The following GMCL1 variants were observed in gnomAD, a reference collection of about 807,000 sequenced individuals.
The protein encoded by GMCL1 is germ cell-less protein-like 1.
A neutral mutation model predicts 75.5 loss-of-function variants in GMCL1; 54 were observed. That is an observed-to-expected ratio of 0.71 (90% confidence interval 0.57 to 0.90). GMCL1 has a LOEUF of 0.90. Among genes scored for constraint, GMCL1 ranks in the 40% least tolerant of loss-of-function variants. GMCL1 has a pLI of 0.00. For synonymous variants in GMCL1, 210 were observed against 209.6 expected, an observed-to-expected ratio of 1.00 and a Z score of -0.02; for missense variants, 537 against 622.7, an observed-to-expected ratio of 0.86 and a Z score of 1.47.
At chr2:69,873,727 G>C (rs535484490) in intron 13 of GMCL1, 1 of 168,224 alleles carries the variant, frequency 5.9e-6, no homozygotes, top group Non-Finnish European at 1.5e-5. Flanking sequence ...TTTTGACCTC[G>C]ACATCCACAA....
Position 69,830,085 on chromosome 2 carries a change from G to A in GMCL1, c.193G>A (p.Asp65Asn), listed in dbSNP as rs764139078. 2.5e-6 allele frequency: 4 copies of A among 1,577,364 alleles called. No homozygotes were observed. In the South Asian group the frequency reaches 4.6e-5, roughly 18 times the overall value. Residue 65 changes from aspartate to asparagine, a missense_variant, in exon 1 of 14, where the codon GAC (aspartate) becomes AAC (asparagine). Asp to Asn is a conservative substitution (Grantham distance 23). Around this residue, in one of 3 missense-constraint regions of GMCL1, gnomAD observed 144 missense variants for 127.2 expected, o/e 1.13. Coordinates refer to ENST00000282570, the MANE Select transcript of GMCL1 (RefSeq NM_178439.5). Reference protein sequence around the residue: ...SSGSFCYCHPDSETDEDEEEG... With the variant: ...SSGSFCYCHPNSETDEDEEEG... The stretch of plus-strand genomic sequence containing the variant: ...CGGGTCCTTCTGCTACTGTCACCCT[G>A]ACTCGGAGACGGACGAGGATGAGGA...
At chr2:69,832,426 CCTT>C (rs1167562562) in intron 1 of GMCL1, among the ~76,000 whole-genome samples, 2 of 152,128 alleles carry the variant, frequency 1.3e-5, no homozygotes, top group Non-Finnish European at 2.9e-5. Context: ...AAATGTTCAT[CCTT>C]CTTTATCCCT....
In GMCL1 at chr2:69,834,389, T is replaced by C. The variant is rs191894144; in HGVS notation, c.261-3158T>C. Reference sequence around the variant, plus strand: ...TAGCCTGCATTTCTTTCTCGCTTATTTTAGGAACTATTTAATACATCCTCA... The same window carrying C: ...TAGCCTGCATTTCTTTCTCGCTTATCTTAGGAACTATTTAATACATCCTCA... On this transcript the variant is annotated intron_variant, in intron 1 of 13. Coordinates refer to ENST00000282570, the MANE Select transcript of GMCL1 (RefSeq NM_178439.5). Among the ~76,000 whole-genome samples, 68 of 152,346 alleles carry C rather than the reference T, an allele frequency of 4.5e-4. No individual in the cohort carries two copies. The East Asian group carries it at 0.013, about 28-fold the overall frequency.
chr2:69,871,699 G>C, intron 12 of GMCL1, 46 bp from the exon 13 acceptor site: 1 of 988,246 alleles, frequency 1.0e-6, no homozygotes, highest in Non-Finnish European at 1.5e-6. Flanking sequence ...TTTAATCTGT[G>C]GTTTAAAAAT....
chr2:69,849,803 A>G (rs999850375), intron 8 of GMCL1, 61 bp downstream of exon 8: 1 of 942,376 alleles, frequency 1.1e-6, no homozygotes, highest in Non-Finnish European at 1.6e-6. Flanking sequence ...ATCAGGCCCC[A>G]TGAGAACAGA....
chr2:69,844,347 GA>G lies in GMCL1; in HGVS notation c.758+154del, dbSNP rs1675072871. 2.2e-5 allele frequency: 11 copies of G among 510,418 alleles called. No homozygotes were observed. In the East Asian group the frequency reaches 3.7e-4, roughly 17 times the overall value. 31.6% of individuals were successfully genotyped at this position (510,418 alleles called of 1,614,324 possible). ...GGCTTGACTACATCCATAAACTGAA[GA>G]AATGCTGTGCAAACTTATTTCTTTG... On this transcript the variant is annotated intron_variant, in intron 6 of 13. Transcript: ENST00000282570.
At chr2:69,844,297 G>A (rs1675071392) in intron 6 of GMCL1, 101 bp downstream of exon 6, 3 of 638,626 alleles carry the variant, frequency 4.7e-6, no homozygotes, top group Non-Finnish European at 8.1e-6. Context: ...AATATATTAT[G>A]AAAAAGCAAA....
At chr2:69,855,087 C>T in intron 9 of GMCL1, 127 bp downstream of exon 9, 3 of 685,546 alleles carry the variant, frequency 4.4e-6, no homozygotes, top group Non-Finnish European at 7.0e-6. Context: ...ATCTTTATGC[C>T]AAAGTGGAAT....
intron 3 of GMCL1, chr2:69,840,090 T>C: frequency 6.6e-6 from 1 of 152,488 alleles, no homozygotes; most frequent in East Asian, 1.9e-4. Context: ...GTGGTCCACA[T>C]GGAAGTACCT....
chr2:69,831,721 C>G (rs1674678064), intron 1 of GMCL1, among the ~76,000 whole-genome samples: 1 of 152,202 alleles, frequency 6.6e-6, no homozygotes. Flanking sequence ...ATTCTCCCAC[C>G]TCAGCCTTCT....
chr2:69,855,159 A>G (rs10209539), intron 9 of GMCL1, among the ~76,000 whole-genome samples, 199 bp downstream of exon 9: 10,382 of 152,178 alleles, frequency 0.068, 938 homozygotes, highest in Admixed American at 0.22. Context: ...ATCATATTTC[A>G]TGAAATACTC....
rs1390716211 is a variant in GMCL1 at position 69,829,801 on chromosome 2, A to G, written c.-92A>G. The G allele has an allele frequency of 3.3e-5, 46 of 1,376,760 alleles. No individual in the cohort carries two copies. The highest frequency in any genetic ancestry group is 4.4e-5 in the Non-Finnish European group (46 of 1,041,942). The allele number at this position is 1,376,760 out of a possible 1,614,324, so 85.3% of individuals were successfully genotyped here. Reference sequence around the variant, plus strand: ...CGCGTGAGAAGGTGGCGGTGTAGGCACCTGCGCTCGGGGAAGGCTGGCGGC... The same window carrying G: ...CGCGTGAGAAGGTGGCGGTGTAGGCGCCTGCGCTCGGGGAAGGCTGGCGGC... On this transcript the variant is annotated 5_prime_UTR_variant, in exon 1 of 14. Coordinates refer to ENST00000282570, the MANE Select transcript of GMCL1 (RefSeq NM_178439.5).
intron 13 of GMCL1, among the ~76,000 whole-genome samples, chr2:69,872,411 A>C (rs1676007099): frequency 6.6e-6 from 1 of 152,216 alleles, no homozygotes; most frequent in Non-Finnish European, 1.5e-5. Flanking sequence ...AAAGCTGTTA[A>C]AATATTGAGG....
chr2:69,830,295 C>T (rs1022679254), intron 1 of GMCL1, 143 bp downstream of exon 1: 4 of 1,133,718 alleles, frequency 3.5e-6, no homozygotes, highest in African/African-American at 3.2e-5. Flanking sequence ...AATGTGGAAG[C>T]CGGCCCGATG....
chr2:69,854,512 G>A (rs1040866812), intron 8 of GMCL1, among the ~76,000 whole-genome samples: 5 of 152,154 alleles, frequency 3.3e-5, no homozygotes, highest in East Asian at 1.9e-4. Flanking sequence ...TGGCGAGAAT[G>A]TGTAATCCTA....
chr2:69,839,260 T>C (rs1674911794), intron 2 of GMCL1, among the ~76,000 whole-genome samples, 197 bp from the exon 3 acceptor site: 1 of 152,232 alleles, frequency 6.6e-6, no homozygotes, highest in Non-Finnish European at 1.5e-5. Flanking sequence ...CAAAAGTATA[T>C]TTTGATACAC....
At chr2:69,870,393 G>C (rs1675951066) in intron 12 of GMCL1, among the ~76,000 whole-genome samples, 1 of 151,988 alleles carries the variant, frequency 6.6e-6, no homozygotes, top group Non-Finnish European at 1.5e-5. Flanking sequence ...CATAAGAACT[G>C]CAACTATGAA....
Position 69,829,763 on chromosome 2 carries a change from A to G in GMCL1, c.-130A>G, listed in dbSNP as rs1674613895. Reference sequence around the variant, plus strand: ...GATGGAGACTGTGGCGTCCGCTGCAACGGTTGGGGCTGCGCGTGAGAAGGT... The same window carrying G: ...GATGGAGACTGTGGCGTCCGCTGCAGCGGTTGGGGCTGCGCGTGAGAAGGT... On this transcript the variant is annotated 5_prime_UTR_variant, in exon 1 of 14. Transcript: ENST00000282570. 2.8e-6 allele frequency: 3 copies of G among 1,065,340 alleles called. No homozygotes were observed. The highest frequency in any genetic ancestry group is 3.9e-6 in the Non-Finnish European group (3 of 766,030). The allele number at this position is 1,065,340 out of a possible 1,614,324, so 66.0% of individuals were successfully genotyped here. A position where few individuals can be genotyped will look rare whatever the true frequency, so the allele number is the denominator to read the frequency against.
chr2:69,872,560 C>G (rs1676012786), intron 13 of GMCL1, among the ~76,000 whole-genome samples: 1 of 152,140 alleles, frequency 6.6e-6, no homozygotes, highest in African/African-American at 2.4e-5. Context: ...ATAGAACATC[C>G]TTAGCATTGC....
Sources: allele counts gnomAD v4.1 joint callset (sites outside exome capture counted in the v4.1 genomes callset), GRCh38; gene constraint gnomAD v4.1.1; regional missense constraint gnomAD v4.1.1; transcripts MANE v1.5; gene names NCBI Gene and HGNC (gene_info 2026-07-23, HGNC 2026-07-21).